Variants in NAV3 observed in about 807,000 individuals in gnomAD.
The protein encoded by NAV3 is neuron navigator 3, also known as pore membrane and/or filament interacting like protein 1.
NAV3 carries 87 observed loss-of-function variants against 244.7 expected under a neutral mutation model. The observed-to-expected ratio is 0.36, with a 90% CI of 0.30 to 0.42. The LOEUF (loss-of-function observed/expected upper bound fraction) is 0.42. Among genes scored for constraint, NAV3 ranks in the 20% least tolerant of loss-of-function variants. The pLI, the probability that NAV3 is intolerant of heterozygous loss-of-function variation, is 1.00. For missense variants in NAV3, 2,663 were observed against 2,893.3 expected (o/e 0.92, Z 1.83); for synonymous variants, 1,126 against 1,042.2 (o/e 1.08, Z -1.55).
chr12:78,059,049 C>T lies in NAV3; in HGVS notation c.2570C>T (p.Pro857Leu), dbSNP rs2137406838. Residue 857 changes from proline to leucine, a missense_variant, in exon 12 of 40, where the codon CCA (proline) becomes CTA (leucine). Around this residue, in one of 6 missense-constraint regions of NAV3, gnomAD observed 1,521 missense variants for 1,497.0 expected, o/e 1.02. Coordinates refer to ENST00000397909, the MANE Select transcript of NAV3 (RefSeq NM_001024383.2). ...NLYTRSLNRI[P>L]DTATSRDIIQ... ...TATACTAGAAGTCTGAACCGAATAC[C>T]AGACACAGCAACTTCCCGGGACATC... The T allele has an allele frequency of 1.2e-6, 2 of 1,611,762 alleles. No homozygotes were observed. Among genetic ancestry groups the T allele is most frequent in the Non-Finnish European group, 1.7e-6 (2 of 1,178,764 alleles).
intron 2 of NAV3, among the ~76,000 whole-genome samples, chr12:77,592,696 C>T (rs777490442): frequency 2.0e-5 from 3 of 152,168 alleles, no homozygotes; most frequent in East Asian, 1.9e-4. Flanking sequence ...TTTTCACGTA[C>T]GCTAAATTGC....
intron 2 of NAV3, among the ~76,000 whole-genome samples, chr12:77,766,307 AC>A (rs1159744461): frequency 6.6e-6 from 1 of 152,110 alleles, no homozygotes; most frequent in African/African-American, 2.4e-5. Flanking sequence ...CATGAACACC[AC>A]CTTTTTCTCT....
Position 78,185,593 on chromosome 12 carries a change from T to A in NAV3, c.5693-8T>A, listed in dbSNP as rs907640871. The stretch of plus-strand genomic sequence containing the variant: ...TGTTGTGTATGTCTTTCTTTTAAAA[T>A]TTGATAGATATTTTGCTAGATGATG... On this transcript the variant is annotated splice_region_variant and splice_polypyrimidine_tract_variant and intron_variant, in intron 30 of 39. Transcript: ENST00000397909. 1.2e-6 allele frequency: 2 copies of A among 1,606,094 alleles called. No individual in the cohort carries two copies. Among genetic ancestry groups the A allele is most frequent in the Admixed American group, 1.7e-5 (1 of 59,622 alleles).
At chr12:77,975,536 A>G (rs1217537745) in intron 5 of NAV3, among the ~76,000 whole-genome samples, 1 of 152,244 alleles carries the variant, frequency 6.6e-6, no homozygotes, top group East Asian at 1.9e-4. Context: ...GTCCTCATTC[A>G]GATGATGAGA....
rs58504254 is a variant in NAV3 at position 77,985,570 on chromosome 12, C to CT, written c.672-9222dup. ...CCCAGGGTTTCTATTTCTTTCTCTACTTTTTTTTTTTGTATGTAGACATAA... is the reference window on the plus strand; with the variant it reads ...CCCAGGGTTTCTATTTCTTTCTCTACTTTTTTTTTTTTGTATGTAGACATAA... On this transcript the variant is annotated intron_variant, in intron 5 of 39. Coordinates refer to ENST00000397909, the MANE Select transcript of NAV3 (RefSeq NM_001024383.2). Among the ~76,000 whole-genome samples the CT allele has an allele frequency of 4.2e-3, 612 of 146,542 alleles. 1 individual carries two copies. The highest frequency in any genetic ancestry group is 5.7e-3 in the Non-Finnish European group (381 of 66,368).
chr12:78,136,412 T>C (rs889391202), intron 18 of NAV3, among the ~76,000 whole-genome samples: 4 of 152,208 alleles, frequency 2.6e-5, no homozygotes, highest in African/African-American at 9.6e-5. Context: ...AATTGATGAC[T>C]ACCAGGTGAG....
At position 77,968,668 on chromosome 12, in the gene NAV3, A is replaced by G. The variant is rs79365758; in HGVS notation, c.637A>G (p.Ser213Gly). 14 of 1,614,142 alleles carry G rather than the reference A, an allele frequency of 8.7e-6. No homozygotes were observed. In the African/African-American group the frequency reaches 1.5e-4, roughly 17 times the overall value. Residue 213 changes from serine (S) to glycine (G), a missense_variant, in exon 5 of 40, where the codon AGC becomes GGC. Ser to Gly is a moderately conservative substitution (Grantham distance 56). This residue lies in a region of NAV3 where 1,521 missense variants were observed against 1,497.0 expected (regional missense o/e 1.02). Coordinates refer to ENST00000397909, the MANE Select transcript of NAV3 (RefSeq NM_001024383.2). ...TCACGCTTCCCCTCCATCGGAAGCC[A>G]GCCAGGCCAAAACCCAGCAAGATAT... The part of the protein sequence containing the change: ...VTHASPPSEA[S>G]QAKTQQDMQS...
At chr12:78,203,003 AT>A (rs1371140463) in intron 38 of NAV3, among the ~76,000 whole-genome samples, 3 of 152,000 alleles carry the variant, frequency 2.0e-5, no homozygotes, top group African/African-American at 7.2e-5. Flanking sequence ...ATGAAGGCGG[AT>A]TTTTTTGGTG....
chr12:77,874,470 C>T (rs556321114), intron 1 of NAV3, among the ~76,000 whole-genome samples: 1 of 152,204 alleles, frequency 6.6e-6, no homozygotes, highest in Non-Finnish European at 1.5e-5. Flanking sequence ...CTCAGCCTCT[C>T]AAAGTACTGG....
At chr12:77,634,448 A>G (rs1019325375) in intron 2 of NAV3, among the ~76,000 whole-genome samples, 4 of 152,254 alleles carry the variant, frequency 2.6e-5, no homozygotes, top group African/African-American at 7.2e-5. Flanking sequence ...AAATGGTGTC[A>G]TATCATAAAC....
chr12:77,588,820 T>C (rs1869765585), intron 2 of NAV3, among the ~76,000 whole-genome samples: 1 of 152,110 alleles, frequency 6.6e-6, no homozygotes, highest in Non-Finnish European at 1.5e-5. Context: ...AATATTTTTA[T>C]TTGAGAGGAA....
In NAV3 at chr12:77,901,404, G is replaced by A. The variant is rs574626369; in HGVS notation, c.244-38915G>A. Reference sequence around the variant, plus strand: ...CCACCTTGAGTTGATTTTTGTATACGGTGAAAGGTAGGCACAGGTTTCAGG... The same window carrying A: ...CCACCTTGAGTTGATTTTTGTATACAGTGAAAGGTAGGCACAGGTTTCAGG... On this transcript the variant is annotated intron_variant, in intron 1 of 39. Coordinates refer to ENST00000397909, the MANE Select transcript of NAV3 (RefSeq NM_001024383.2). Among the ~76,000 whole-genome samples the A allele has an allele frequency of 2.0e-5, 3 of 152,116 alleles. No individual in the cohort carries two copies. In the South Asian group the frequency reaches 6.2e-4, roughly 32 times the overall value.
At chr12:78,099,721 G>A (rs1002309625) in intron 12 of NAV3, among the ~76,000 whole-genome samples, 1 of 151,742 alleles carries the variant, frequency 6.6e-6, no homozygotes, top group Non-Finnish European at 1.5e-5. Flanking sequence ...CAACCATCAT[G>A]AGGATTATTC....
chr12:78,064,683 A>T (rs1051416165), intron 12 of NAV3, among the ~76,000 whole-genome samples: 8 of 152,122 alleles, frequency 5.3e-5, no homozygotes, highest in Non-Finnish European at 8.8e-5. Flanking sequence ...TCCCAGGTGG[A>T]TATGTCCTTG....
chr12:77,598,429 A>C (rs910477088), intron 2 of NAV3, among the ~76,000 whole-genome samples: 3 of 151,998 alleles, frequency 2.0e-5, no homozygotes, highest in Non-Finnish European at 4.4e-5. Context: ...TATATGCTTA[A>C]TTTTTTAGGA....
At chr12:77,741,258 T>C (rs911214257) in intron 2 of NAV3, among the ~76,000 whole-genome samples, 2 of 151,108 alleles carry the variant, frequency 1.3e-5, no homozygotes, top group Non-Finnish European at 2.9e-5. Flanking sequence ...AGAATCCTTA[T>C]AAAGTTTTAA....
intron 1 of NAV3, among the ~76,000 whole-genome samples, chr12:77,873,750 ATATATATATATATATATG>A (rs1881403314): frequency 1.4e-4 from 13 of 94,450 alleles, no homozygotes; most frequent in East Asian, 3.4e-4. Flanking sequence ...GTGTGTATAT[ATATATATATATATATATG>A]TATATAACAG....
intron 2 of NAV3, among the ~76,000 whole-genome samples, chr12:77,821,719 C>T (rs1187354550): frequency 6.6e-6 from 1 of 152,190 alleles, no homozygotes; most frequent in African/African-American, 2.4e-5. Flanking sequence ...GAAAATGATA[C>T]CTTTATAAAA....
At chr12:78,079,719 A>C (rs979401529) in intron 12 of NAV3, among the ~76,000 whole-genome samples, 8 of 152,210 alleles carry the variant, frequency 5.3e-5, no homozygotes, top group African/African-American at 1.9e-4. Context: ...TGGATACCCC[A>C]GTGCCCTGGT....
Sources: allele counts gnomAD v4.1 joint callset (sites outside exome capture counted in the v4.1 genomes callset), GRCh38; gene constraint gnomAD v4.1.1; regional missense constraint gnomAD v4.1.1; transcripts MANE v1.5; gene names NCBI Gene and HGNC (gene_info 2026-07-23, HGNC 2026-07-21).